AKAP12: variants seen among roughly 807,000 people sequenced by gnomAD.
AKAP12 encodes the protein A-kinase anchoring protein 12.
A neutral mutation model predicts 79.9 loss-of-function variants in AKAP12; 32 were observed. That is an observed-to-expected ratio of 0.40 (90% CI 0.30 to 0.54). The LOEUF is 0.54. Ranked by LOEUF, AKAP12 falls within the 20% of genes least tolerant of loss-of-function variation. The pLI, the probability that AKAP12 is intolerant of heterozygous loss-of-function variation, is 0.48. For missense variants in AKAP12, 2,074 were observed against 2,177.0 expected, an observed-to-expected ratio of 0.95 and a Z score of 0.94; for synonymous variants, 808 against 857.0, an observed-to-expected ratio of 0.94 and a Z score of 1.00.
Position 151,289,242 on chromosome 6 carries a change from C to T in AKAP12, c.163-16505C>T, listed in dbSNP as rs113028073. ...ACACCAGCCAGCCCTCGAGCGCAGA[C>T]GGGGAAATTCAAACTGATACTCTCC... On this transcript the variant is annotated intron_variant, in intron 2 of 4. Transcript: ENST00000402676. Among the ~76,000 whole-genome samples, 761 of 152,246 alleles carry T rather than the reference C, an allele frequency of 5.0e-3. 10 individuals are homozygous for T. Among genetic ancestry groups the T allele is most frequent in the African/African-American group, 0.017 (704 of 41,544 alleles).
intron 2 of AKAP12, among the ~76,000 whole-genome samples, chr6:151,304,509 A>AAAAAAAAAAAAAAAC: frequency 7.5e-6 from 1 of 132,634 alleles, no homozygotes; most frequent in African/African-American, 3.8e-5. Context: ...AAAAAAAAAA[A>AAAAAAAAAAAAAAAC]AAAAAAAAAA....
chr6:151,262,380 C>T (rs141582507), intron 2 of AKAP12, among the ~76,000 whole-genome samples: 17 of 152,292 alleles, frequency 1.1e-4, no homozygotes, highest in South Asian at 8.3e-4. Context: ...TACTTTTTCA[C>T]GTAGTGCGGT....
At chr6:151,295,750 T>C (rs564631519) in intron 2 of AKAP12, among the ~76,000 whole-genome samples, 20 of 152,196 alleles carry the variant, frequency 1.3e-4, no homozygotes, top group Non-Finnish European at 2.9e-4. Context: ...ACTCGGCAGT[T>C]GGTGGGATGA....
chr6:151,315,341 C>T (rs1468489927), intron 3 of AKAP12, among the ~76,000 whole-genome samples: 1 of 152,148 alleles, frequency 6.6e-6, no homozygotes, highest in East Asian at 1.9e-4. Context: ...CCTATGTGTT[C>T]TCATGTGGCA....
chr6:151,333,944 C>G (rs1275731809), intron 3 of AKAP12, among the ~76,000 whole-genome samples: 1 of 151,728 alleles, frequency 6.6e-6, no homozygotes, highest in Non-Finnish European at 1.5e-5. Context: ...GAAGAAGGGT[C>G]CTGGCCACCT....
At chr6:151,329,247 C>T (rs1180423475) in intron 3 of AKAP12, among the ~76,000 whole-genome samples, 2 of 152,246 alleles carry the variant, frequency 1.3e-5, no homozygotes, top group East Asian at 1.9e-4. Context: ...TCCCAAGCAG[C>T]TGGGATTACA....
chr6:151,329,493 CTG>C (rs200623337), intron 3 of AKAP12, among the ~76,000 whole-genome samples: 3,101 of 152,326 alleles, frequency 0.02, 41 homozygotes, highest in Non-Finnish European at 0.03. Context: ...ACATTGCAAA[CTG>C]TGAAGTATCA....
rs755282610 is a variant in AKAP12, at chr6:151,305,785, C to T, written c.201C>T (p.Gly67=). The change falls in exon 3 of 5, where the codon GGC becomes GGT. Residue 67 remains glycine, a synonymous_variant. Coordinates refer to ENST00000402676, the MANE Select transcript of AKAP12 (RefSeq NM_005100.4). The part of the protein sequence containing the change: ...QKNGQLSTIN[G]VAEQDELSLQ... ...ATGGTCAGCTGTCCACCATCAATGGCGTAGCTGAGCAAGATGAGCTCAGCC... is the reference window on the plus strand; with the variant it reads ...ATGGTCAGCTGTCCACCATCAATGGTGTAGCTGAGCAAGATGAGCTCAGCC... The T allele has an allele frequency of 9.9e-6, 16 of 1,613,780 alleles. No homozygotes were observed. In the East Asian group the frequency reaches 1.8e-4, roughly 18 times the overall value.
intron 2 of AKAP12, among the ~76,000 whole-genome samples, chr6:151,303,249 A>G (rs1244132076): frequency 1.3e-5 from 2 of 152,162 alleles, no homozygotes; most frequent in African/African-American, 4.8e-5. Context: ...CTTTGTGGAG[A>G]CACACTGCCC....
In AKAP12 at chr6:151,357,615, A is replaced by G. The variant is rs184326599; in HGVS notation, c.*1901A>G. On this transcript the variant is annotated 3_prime_UTR_variant, in exon 5 of 5. Transcript: ENST00000402676. ...ATAGTCTTGTTTGTAGTTGGAAGTC[A>G]TCTTTTAGGAGTTATTCTCAAATAT... is the stretch of plus-strand genomic sequence containing the variant. 1 of 152,062 alleles carries G rather than the reference A, an allele frequency of 6.6e-6. No individual in the cohort carries two copies. The highest frequency in any genetic ancestry group is 1.9e-4 in the East Asian group (1 of 5,178). 9.4% of individuals were successfully genotyped at this position (152,062 alleles called of 1,614,324 possible).
Position 151,349,554 on chromosome 6 carries a change from C to T in AKAP12, c.1163C>T (p.Ser388Leu), listed in dbSNP as rs147375031. Residue 388 changes from serine (S) to leucine (L), a missense_variant, in exon 4 of 5, where the codon TCG becomes TTG. Transcript: ENST00000402676. ...ELPSEEQVSGSQGPSEEKPAP... is the reference protein window; with the variant it reads ...ELPSEEQVSGLQGPSEEKPAP... ...CCCTCAGAGGAGCAAGTCAGTGGCTCGCAGGGACCTTCTGAAGAGAAACCT... is the reference window on the plus strand; with the variant it reads ...CCCTCAGAGGAGCAAGTCAGTGGCTTGCAGGGACCTTCTGAAGAGAAACCT... The T allele has an allele frequency of 1.9e-5, 31 of 1,611,456 alleles. No homozygotes were observed. In the African/African-American group the frequency reaches 3.1e-4, roughly 16 times the overall value.
intron 2 of AKAP12, among the ~76,000 whole-genome samples, chr6:151,265,043 C>T (rs1445284615): frequency 1.3e-5 from 2 of 151,576 alleles, no homozygotes; most frequent in African/African-American, 2.4e-5. Flanking sequence ...CCCAGCTACT[C>T]GAGAGGCTGA....
At chr6:151,245,859 C>T (rs1797064572) in intron 2 of AKAP12, among the ~76,000 whole-genome samples, 1 of 151,932 alleles carries the variant, frequency 6.6e-6, no homozygotes, top group African/African-American at 2.4e-5. Context: ...CATATTCTTT[C>T]GAAAACTTCA....
intron 3 of AKAP12, chr6:151,323,725 C>T (rs947520907): frequency 1.0e-6 from 1 of 985,244 alleles, no homozygotes; most frequent in African/African-American, 1.7e-5. Flanking sequence ...TCCTATCCAG[C>T]TCAGTGGAAT....
intron 2 of AKAP12, among the ~76,000 whole-genome samples, chr6:151,272,074 C>G (rs1462768226): frequency 1.3e-5 from 2 of 152,104 alleles, no homozygotes; most frequent in Non-Finnish European, 2.9e-5. Context: ...GGCATGGTGG[C>G]TCATGCTGTA....
chr6:151,329,452 C>T (rs1218004917), intron 3 of AKAP12, among the ~76,000 whole-genome samples: 2 of 152,208 alleles, frequency 1.3e-5, no homozygotes, highest in African/African-American at 4.8e-5. Flanking sequence ...TTTTCTCTAA[C>T]ACCCACATTA....
intron 3 of AKAP12, among the ~76,000 whole-genome samples, chr6:151,333,476 C>T (rs1378683001): frequency 5.3e-5 from 8 of 152,278 alleles, no homozygotes; most frequent in Non-Finnish European, 8.8e-5. Flanking sequence ...TCAGGCCGGG[C>T]GCAGTGGCTC....
chr6:151,250,237 G>A (rs1306303886), intron 2 of AKAP12, among the ~76,000 whole-genome samples: 1 of 152,070 alleles, frequency 6.6e-6, no homozygotes, highest in African/African-American at 2.4e-5. Flanking sequence ...TGTGGCTCAC[G>A]CGTGTAATCC....
chr6:151,337,517 A>AG (rs1777847022), intron 3 of AKAP12, among the ~76,000 whole-genome samples: 2 of 144,140 alleles, frequency 1.4e-5, no homozygotes, highest in Admixed American at 6.9e-5. Flanking sequence ...GTCTCGAAAA[A>AG]AAAAAAAAAA....
Sources: gnomAD v4.1 joint callset for allele counts (sites outside exome capture counted in the v4.1 genomes callset) on GRCh38, gnomAD v4.1.1 for gene constraint, MANE v1.5 for transcripts, NCBI Gene and HGNC (gene_info 2026-07-23, HGNC 2026-07-21) for gene names.